Variants in NEGR1 observed in about 807,000 individuals in gnomAD.
NEGR1 encodes IgLON family member 4.
A neutral mutation model predicts 40.9 loss-of-function variants in NEGR1; 10 were observed. The observed-to-expected ratio is 0.24, with a 90% CI of 0.15 to 0.42. NEGR1 has a LOEUF of 0.42. Among genes scored for constraint, NEGR1 ranks in the 10% least tolerant of loss-of-function variants. NEGR1 has a pLI of 1.00. For synonymous variants in NEGR1, 185 were observed against 166.8 expected (o/e 1.11, Z -0.84); for missense variants, 352 against 438.9 (o/e 0.80, Z 1.77).
chr1:71,790,412 C>T (rs1289814217), intron 2 of NEGR1, among the ~76,000 whole-genome samples: 2 of 152,050 alleles, frequency 1.3e-5, no homozygotes, highest in Non-Finnish European at 2.9e-5. Context: ...TTACAACATG[C>T]TAGTAACACA....
chr1:71,873,395 G>A (rs115709884), intron 2 of NEGR1, among the ~76,000 whole-genome samples: 490 of 152,146 alleles, frequency 3.2e-3, no homozygotes, highest in Middle Eastern at 6.8e-3. Context: ...TGTGGCATGG[G>A]ATAGTGAAAA....
At chr1:71,961,604 T>C (rs1246038277) in intron 1 of NEGR1, among the ~76,000 whole-genome samples, 1 of 151,994 alleles carries the variant, frequency 6.6e-6, no homozygotes, top group Non-Finnish European at 1.5e-5. Flanking sequence ...TGTAAAATCA[T>C]TAACACAGGT....
At chr1:71,688,309 CAT>C (rs373700339) in intron 4 of NEGR1, among the ~76,000 whole-genome samples, 3 of 41,354 alleles carry the variant, frequency 7.3e-5, no homozygotes, top group East Asian at 1.3e-3. Flanking sequence ...TTTCCCTTTT[CAT>C]ATATATATAT....
At chr1:71,856,257 G>A (rs1056691424) in intron 2 of NEGR1, among the ~76,000 whole-genome samples, 2 of 152,036 alleles carry the variant, frequency 1.3e-5, no homozygotes, top group Admixed American at 1.3e-4. Context: ...AAGTTTATAA[G>A]GAGCCATCTG....
At chr1:72,272,609 G>T (rs1655881573) in intron 1 of NEGR1, among the ~76,000 whole-genome samples, 1 of 151,848 alleles carries the variant, frequency 6.6e-6, no homozygotes, top group African/African-American at 2.4e-5. Flanking sequence ...TTAGTTGCAT[G>T]AAAAGAAAGG....
intron 6 of NEGR1, among the ~76,000 whole-genome samples, chr1:71,443,047 T>G (rs1291216685): frequency 6.6e-6 from 1 of 152,212 alleles, no homozygotes; most frequent in African/African-American, 2.4e-5. Context: ...TGAGTAATAT[T>G]TGTTCACCTT....
intron 1 of NEGR1, among the ~76,000 whole-genome samples, chr1:71,999,592 A>C (rs1270384342): frequency 7.8e-6 from 1 of 128,922 alleles, no homozygotes; most frequent in Non-Finnish European, 1.6e-5. Context: ...ATTCCTTCTC[A>C]CTCCCAAAAT....
chr1:72,112,077 G>T (rs1649393263), intron 1 of NEGR1, among the ~76,000 whole-genome samples: 2 of 151,862 alleles, frequency 1.3e-5, no homozygotes, highest in South Asian at 4.1e-4. Flanking sequence ...TGCCTAAGAA[G>T]CTGAGTGAAA....
chr1:71,431,928 G>A (rs1220176245), intron 6 of NEGR1, among the ~76,000 whole-genome samples: 1 of 152,168 alleles, frequency 6.6e-6, no homozygotes, highest in Non-Finnish European at 1.5e-5. Flanking sequence ...AATTGTGGTA[G>A]GCAGAGACCT....
At chr1:71,583,046 C>A (rs572892736) in intron 6 of NEGR1, among the ~76,000 whole-genome samples, 1 of 152,024 alleles carries the variant, frequency 6.6e-6, no homozygotes, top group East Asian at 1.9e-4. Context: ...CTATCTGTCT[C>A]TTTTGGTGAT....
chr1:71,648,891 C>T (rs11209810), intron 4 of NEGR1, among the ~76,000 whole-genome samples: 5,582 of 152,036 alleles, frequency 0.037, 135 homozygotes, highest in African/African-American at 0.073. Flanking sequence ...CATAATGAAA[C>T]CTAAATCTTC....
At position 71,738,957 on chromosome 1, in the gene NEGR1, A is replaced by G. The variant is rs114311597; in HGVS notation, c.535+37215T>C. Among the ~76,000 whole-genome samples, 1,447 of 152,158 alleles carry G rather than the reference A, an allele frequency of 9.5e-3. 23 individuals carry two copies. The highest frequency in any genetic ancestry group is 0.033 in the African/African-American group (1,362 of 41,510). On this transcript the variant is annotated intron_variant, in intron 3 of 6. Coordinates refer to ENST00000357731, the MANE Select transcript of NEGR1 (RefSeq NM_173808.3). ...TTTAAATTACCAAATGTTTATGACT[A>G]AGGACAAAAAAGAGCCTCAAAGTGA...
chr1:71,765,614 TA>T (rs1257411616), intron 3 of NEGR1, among the ~76,000 whole-genome samples: 1 of 152,120 alleles, frequency 6.6e-6, no homozygotes, highest in African/African-American at 2.4e-5. Flanking sequence ...CAATCTTCCA[TA>T]TTCTGTTTCT....
chr1:72,181,580 C>G (rs1008308346), intron 1 of NEGR1, among the ~76,000 whole-genome samples: 6 of 152,236 alleles, frequency 3.9e-5, no homozygotes, highest in African/African-American at 1.4e-4. Context: ...ACCCACCCTA[C>G]TCCCCAAAAT....
chr1:71,725,595 A>G (rs1283146770), intron 3 of NEGR1, among the ~76,000 whole-genome samples: 2 of 152,258 alleles, frequency 1.3e-5, no homozygotes, highest in East Asian at 1.9e-4. Flanking sequence ...CAAATTAAAA[A>G]AAATACTCTT....
intron 4 of NEGR1, among the ~76,000 whole-genome samples, chr1:71,635,664 C>G (rs539009199): frequency 6.6e-6 from 1 of 152,156 alleles, no homozygotes; most frequent in South Asian, 2.1e-4. Flanking sequence ...TCTGGTAAAC[C>G]TAACTTCAGT....
chr1:71,997,226 C>G (rs1385177939), intron 1 of NEGR1, among the ~76,000 whole-genome samples: 1 of 152,018 alleles, frequency 6.6e-6, no homozygotes, highest in East Asian at 1.9e-4. Context: ...AGTTAGGTCT[C>G]TATAAGTCAA....
intron 1 of NEGR1, among the ~76,000 whole-genome samples, chr1:71,989,616 T>C (rs1646432268): frequency 6.6e-6 from 1 of 152,202 alleles, no homozygotes; most frequent in South Asian, 2.1e-4. Flanking sequence ...AGCATGCTTA[T>C]TCTGTAACTT....
At chr1:72,247,598 C>T (rs1428521780) in intron 1 of NEGR1, among the ~76,000 whole-genome samples, 1 of 152,172 alleles carries the variant, frequency 6.6e-6, no homozygotes, top group East Asian at 1.9e-4. Flanking sequence ...TTTCTGAGAC[C>T]TCACCATCTT....
Sources: allele counts gnomAD v4.1 joint callset (sites outside exome capture counted in the v4.1 genomes callset), GRCh38; gene constraint gnomAD v4.1.1; transcripts MANE v1.5; gene names NCBI Gene and HGNC (gene_info 2026-07-23, HGNC 2026-07-21).